ZNF567: variants seen among roughly 807,000 people sequenced by gnomAD.
The protein encoded by ZNF567 is zinc finger protein 567.
In ZNF567, 36 loss-of-function variants were observed where a neutral mutation model predicts 53.9. The observed-to-expected ratio is 0.67, with a 90% CI of 0.51 to 0.88. ZNF567 has a LOEUF of 0.88. Among genes scored for constraint, ZNF567 ranks in the 40% least tolerant of loss-of-function variants. The pLI, the probability that ZNF567 is intolerant of heterozygous loss-of-function variation, is 0.00. For synonymous variants in ZNF567, 224 were observed against 260.4 expected (o/e 0.86, Z 1.35); for missense variants, 619 against 764.7 (o/e 0.81, Z 2.25).
chr19:36,723,232 C>T (rs1300051979), downstream of ZNF567: 3 of 702,894 alleles, frequency 4.3e-6, no homozygotes, highest in East Asian at 2.7e-5. Context: ...AGCGTCAACC[C>T]ACCAAAGATT....
the ZNF567 span, among the ~76,000 whole-genome samples, chr19:36,675,021 G>A: frequency 6.6e-6 from 1 of 152,266 alleles, no homozygotes; most frequent in Non-Finnish European, 1.5e-5. Flanking sequence ...CCAAAGTGGA[G>A]GGATTATAGG....
intron 4 of ZNF567, 23 bp downstream of exon 4, chr19:36,712,535 C>T (rs766959229): frequency 3.0e-5 from 49 of 1,613,728 alleles, no homozygotes; most frequent in African/African-American, 4.0e-5. Context: ...CTCTTTGAAA[C>T]TTTAGTAGCA....
the ZNF567 span, among the ~76,000 whole-genome samples, chr19:36,673,790 C>G: frequency 6.6e-6 from 1 of 152,134 alleles, no homozygotes; most frequent in Non-Finnish European, 1.5e-5. Context: ...TGTCATTTAA[C>G]TCCCCTCAGA....
chr19:36,680,205 AAAG>A, the ZNF567 span, among the ~76,000 whole-genome samples: 2 of 152,346 alleles, frequency 1.3e-5, no homozygotes, highest in East Asian at 3.9e-4. Flanking sequence ...AAATTTTAAA[AAAG>A]AAATCTGAAA....
chr19:36,722,177 G>A (rs749302180), downstream of ZNF567, among the ~76,000 whole-genome samples: 86 of 152,334 alleles, frequency 5.6e-4, no homozygotes, highest in African/African-American at 1.8e-3. Context: ...TCCTTTTGGC[G>A]AGGAGAGTAA....
the ZNF567 span, among the ~76,000 whole-genome samples, chr19:36,680,978 T>A: frequency 1.3e-5 from 2 of 152,212 alleles, no homozygotes; most frequent in Non-Finnish European, 2.9e-5. Context: ...TCTTTCCAAA[T>A]TAAGTAACAT....
downstream of ZNF567, among the ~76,000 whole-genome samples, chr19:36,725,302 A>G (rs2040331316): frequency 6.6e-6 from 1 of 152,112 alleles, no homozygotes; most frequent in South Asian, 2.1e-4. Flanking sequence ...TCCCAGTTTC[A>G]AGCGACTCTC....
At chr19:36,708,528 A>T (rs1481480192) in intron 3 of ZNF567, among the ~76,000 whole-genome samples, 1 of 152,168 alleles carries the variant, frequency 6.6e-6, no homozygotes. Flanking sequence ...TGATATTGAT[A>T]ATGTGGGTTT....
chr19:36,720,732 A>G lies in ZNF567; in HGVS notation c.*64A>G. 7.2e-7 allele frequency: 1 copy of G among 1,386,692 alleles called. No homozygotes were observed. Among genetic ancestry groups the G allele is most frequent in the Non-Finnish European group, 9.6e-7 (1 of 1,038,258 alleles). The allele number at this position is 1,386,692 out of a possible 1,614,324, so 85.9% of individuals were successfully genotyped here. ...GTAAACATTTAGTTTTAAAAAGAAA[A>G]GCATGCTGAAACATGTTAATGTAAT... On this transcript the variant is annotated 3_prime_UTR_variant, in exon 6 of 6. Transcript: ENST00000682579.
intron 2 of ZNF567, among the ~76,000 whole-genome samples, chr19:36,691,560 C>G (rs777589217): frequency 1.3e-5 from 2 of 152,130 alleles, no homozygotes; most frequent in Non-Finnish European, 2.9e-5. Flanking sequence ...TTAATATAAG[C>G]AAATGTATAT....
chr19:36,679,983 G>A, the ZNF567 span, among the ~76,000 whole-genome samples: 1 of 152,110 alleles, frequency 6.6e-6, no homozygotes, highest in East Asian at 1.9e-4. Context: ...GATTTTATAT[G>A]TTCTTACCAC....
intron 2 of ZNF567, among the ~76,000 whole-genome samples, chr19:36,694,524 T>C (rs2038779773): frequency 6.6e-6 from 1 of 152,128 alleles, no homozygotes; most frequent in Non-Finnish European, 1.5e-5. Context: ...AGCTTGGAAG[T>C]AGTTAATAAC....
chr19:36,719,777 C>A lies in ZNF567; in HGVS notation c.1053C>A (p.His351Gln), dbSNP rs1443562352. Reference sequence around the variant, plus strand: ...GGAATGCCTTCAGATTGAAGTCACACCTCATTCGTCATCAGAGAACTCACA... The same window carrying A: ...GGAATGCCTTCAGATTGAAGTCACAACTCATTCGTCATCAGAGAACTCACA... ...QCRNAFRLKS[H>Q]LIRHQRTHTG... Residue 351 changes from histidine to glutamine, a missense_variant, in exon 6 of 6, where the codon CAC (histidine) becomes CAA (glutamine). His to Gln is a conservative substitution (Grantham distance 24). Transcript: ENST00000682579. The A allele has an allele frequency of 6.2e-7, 1 of 1,613,900 alleles. No individual in the cohort carries two copies. Among genetic ancestry groups the A allele is most frequent in the South Asian group, 1.1e-5 (1 of 91,084 alleles).
chr19:36,673,450 C>T, the ZNF567 span, among the ~76,000 whole-genome samples: 7 of 152,136 alleles, frequency 4.6e-5, no homozygotes, highest in Non-Finnish European at 8.8e-5. Context: ...AAGCAGATTA[C>T]GCTCCACACA....
At chr19:36,715,220 G>A (rs186507262) in intron 5 of ZNF567, among the ~76,000 whole-genome samples, 3 of 151,872 alleles carry the variant, frequency 2.0e-5, no homozygotes, top group East Asian at 1.9e-4. Context: ...GAGTGCAGTG[G>A]TTCAGTCTCG....
chr19:36,708,246 A>AT (rs973514459), intron 3 of ZNF567, among the ~76,000 whole-genome samples: 2 of 151,544 alleles, frequency 1.3e-5, no homozygotes, highest in African/African-American at 2.4e-5. Flanking sequence ...TCTTTTGATC[A>AT]TTTTTTTTCC....
chr19:36,711,839 G>C (rs1006986844), intron 3 of ZNF567: 1 of 152,372 alleles, frequency 6.6e-6, no homozygotes, highest in Non-Finnish European at 1.5e-5. Context: ...AATAAATACA[G>C]TTTTTGGCAT....
chr19:36,703,123 T>G (rs2039298187), intron 3 of ZNF567, among the ~76,000 whole-genome samples: 1 of 152,162 alleles, frequency 6.6e-6, no homozygotes, highest in Non-Finnish European at 1.5e-5. Flanking sequence ...TCCTTTCTGT[T>G]TGTTAGTTTT....
intron 5 of ZNF567, 86 bp from the exon 6 acceptor site, chr19:36,718,862 C>T (rs541242172): frequency 7.1e-5 from 77 of 1,090,500 alleles, no homozygotes; most frequent in Admixed American, 1.9e-4. Context: ...TCTCTTTTTG[C>T]GCCATGTGCT....
Sources: allele counts gnomAD v4.1 joint callset (sites outside exome capture counted in the v4.1 genomes callset), GRCh38; gene constraint gnomAD v4.1.1; transcripts MANE v1.5; gene names NCBI Gene and HGNC (gene_info 2026-07-23, HGNC 2026-07-21).